The following NPR1 variants were observed in gnomAD, a reference collection of about 807,000 sequenced individuals.
The protein encoded by NPR1 is atrial natriuretic peptide receptor 1.
In NPR1, 57 loss-of-function variants were observed where a neutral mutation model predicts 116.9. The ratio of observed to expected loss-of-function variants is 0.49; its 90% CI spans 0.39 to 0.61. The LOEUF (loss-of-function observed/expected upper bound fraction) is 0.61, where lower values mean the gene tolerates loss of function less well. Among genes scored for constraint, NPR1 ranks in the 20% least tolerant of loss-of-function variants. The pLI, the probability that NPR1 is intolerant of heterozygous loss-of-function variation, is 0.00. For synonymous variants in NPR1, 555 were observed against 601.6 expected, an observed-to-expected ratio of 0.92 and a Z score of 1.13; for missense variants, 1,096 against 1,409.8, an observed-to-expected ratio of 0.78 and a Z score of 3.56.
At chr1:153,685,115 A>G (rs1314938141) in intron 8 of NPR1, 31 bp downstream of exon 8, 9 of 1,611,292 alleles carry the variant, frequency 5.6e-6, no homozygotes, top group Non-Finnish European at 7.6e-6. Context: ...GTTGGGGGGC[A>G]ATAAAGGAGA....
chr1:153,685,888 T>G lies in NPR1; in HGVS notation c.1680+8T>G, dbSNP rs778585041. 3.0e-5 allele frequency: 48 copies of G among 1,611,674 alleles called. 1 individual carries two copies. In the South Asian group the frequency reaches 5.2e-4, roughly 17 times the overall value. ...AAGACAGCATATTATAAGGTGGGCC[T>G]GGGGAAAGATCACTGGGCCTTGGGA... On this transcript the variant is annotated splice_region_variant and intron_variant, in intron 9 of 21. Coordinates refer to ENST00000368680, the MANE Select transcript of NPR1 (RefSeq NM_000906.4).
chr1:153,691,379 T>C (rs759109865), intron 20 of NPR1, among the ~76,000 whole-genome samples: 4 of 152,322 alleles, frequency 2.6e-5, no homozygotes, highest in Admixed American at 6.5e-5. Context: ...ATTGAGTGAC[T>C]ACTGAGTGCC....
At chr1:153,680,379 C>A in intron 1 of NPR1, 122 bp from the exon 2 acceptor site, 1 of 613,172 alleles carries the variant, frequency 1.6e-6, no homozygotes, top group Non-Finnish European at 2.7e-6. Flanking sequence ...TACCACTTAA[C>A]TCTCACTGGG....
At chr1:153,686,957 C>G in intron 11 of NPR1, 59 bp from the exon 12 acceptor site, 1 of 1,568,694 alleles carries the variant, frequency 6.4e-7, no homozygotes. Flanking sequence ...ACCCTGCACC[C>G]TCCTCCAACT....
rs762702544 is a variant in NPR1, at chr1:153,686,670, C to A, written c.1783C>A (p.Leu595Met). The A allele has an allele frequency of 6.2e-7, 1 of 1,613,922 alleles. No individual in the cohort carries two copies. The highest frequency in any genetic ancestry group is 8.5e-7 in the Non-Finnish European group (1 of 1,179,896). Residue 595 changes from leucine (L) to methionine (M), a missense_variant, in exon 11 of 22, where the codon CTG becomes ATG. Leu to Met is a conservative substitution (Grantham distance 15, BLOSUM62 2). Transcript: ENST00000368680. Reference sequence around the variant, plus strand: ...GATGCGGGATGTGCAGAATGAACACCTGACCAGGTTTGTGGGAGCCTGCAC... The same window carrying A: ...GATGCGGGATGTGCAGAATGAACACATGACCAGGTTTGTGGGAGCCTGCAC... ...KHMRDVQNEHLTRFVGACTDP... is the reference protein window; with the variant it reads ...KHMRDVQNEHMTRFVGACTDP...
chr1:153,687,658 T>C lies in NPR1; in HGVS notation c.2117T>C (p.Leu706Pro). 6.3e-7 allele frequency: 1 copy of C among 1,595,964 alleles called. No individual in the cohort carries two copies. The highest frequency in any genetic ancestry group is 8.6e-7 in the Non-Finnish European group (1 of 1,167,232). Reference sequence around the variant, plus strand: ...GAAAAGCTGTGGACGGCCCCTGAGCTCCTGCGAATGGCTTCACCCCCTGTG... The same window carrying C: ...GAAAAGCTGTGGACGGCCCCTGAGCCCCTGCGAATGGCTTCACCCCCTGTG... The part of the protein sequence containing the change: ...YAKKLWTAPE[L>P]LRMASPPVRG... Residue 706 changes from leucine to proline, a missense_variant, in exon 14 of 22, where the codon CTC becomes CCC. Transcript: ENST00000368680.
At chr1:153,690,413 A>C (rs1172874310) in intron 20 of NPR1, 31 bp downstream of exon 20, 6 of 1,507,076 alleles carry the variant, frequency 4.0e-6, no homozygotes, top group Non-Finnish European at 4.5e-6. Flanking sequence ...GGGAATGGGG[A>C]GGGCAGGGTG....
rs1175346732 is a variant in NPR1 at position 153,687,207 on chromosome 1, T to G, written c.1943T>G (p.Leu648Arg). ...GCCCACTCACATTTCCAGGGCATGCTGTTTCTACACAATGGGGCTATCTGT... is the reference window on the plus strand; with the variant it reads ...GCCCACTCACATTTCCAGGGCATGCGGTTTCTACACAATGGGGCTATCTGT... ...SLTNDIVKGMLFLHNGAICSH... is the reference protein window; with the variant it reads ...SLTNDIVKGMRFLHNGAICSH... Residue 648 changes from leucine (L) to arginine (R), a missense_variant, in exon 13 of 22, where the codon CTG becomes CGG. By Grantham distance (102) the Leu-to-Arg change is moderately radical. Coordinates refer to ENST00000368680, the MANE Select transcript of NPR1 (RefSeq NM_000906.4). 5.6e-6 allele frequency: 9 copies of G among 1,614,044 alleles called. No homozygotes were observed. In the Admixed American group the frequency reaches 8.3e-5, roughly 15 times the overall value.
At chr1:153,685,991 TG>T in intron 9 of NPR1, 111 bp downstream of exon 9, 1 of 1,336,942 alleles carries the variant, frequency 7.5e-7, no homozygotes, top group Non-Finnish European at 1.1e-6. Flanking sequence ...GAGCAGCAGA[TG>T]GGGGCCCTGG....
chr1:153,693,272 C>A (rs776961636), intron 21 of NPR1, 75 bp downstream of exon 21: 2 of 1,596,652 alleles, frequency 1.3e-6, no homozygotes, highest in East Asian at 2.2e-5. Flanking sequence ...CAGCCAATGC[C>A]ACTCCCATCC....
rs779041694 is a variant in NPR1 at position 153,686,632 on chromosome 1, G to A, written c.1759-14G>A. Reference sequence around the variant, plus strand: ...AGGTCTCTGTCAAGCTCCTGATGCTGGTCCCACTTGCAGATGCGGGATGTG... The same window carrying A: ...AGGTCTCTGTCAAGCTCCTGATGCTAGTCCCACTTGCAGATGCGGGATGTG... On this transcript the variant is annotated splice_polypyrimidine_tract_variant and intron_variant, in intron 10 of 21. Coordinates refer to ENST00000368680, the MANE Select transcript of NPR1 (RefSeq NM_000906.4). 1.2e-6 allele frequency: 2 copies of A among 1,609,428 alleles called. No homozygotes were observed. The highest frequency in any genetic ancestry group is 1.3e-5 in the African/African-American group (1 of 74,764).
In NPR1 at chr1:153,686,732, T is replaced by C. The variant is rs1411311893; in HGVS notation, c.1845T>C (p.Cys615=). 1 of 1,613,610 alleles carries C rather than the reference T, an allele frequency of 6.2e-7. No homozygotes were observed. The highest frequency in any genetic ancestry group is 8.5e-7 in the Non-Finnish European group (1 of 1,179,826). Reference sequence around the variant, plus strand: ...ATATCTGCATCCTCACAGAGTACTGTCCCCGTGGGAGCCTGCAGGTGAGGG... The same window carrying C: ...ATATCTGCATCCTCACAGAGTACTGCCCCCGTGGGAGCCTGCAGGTGAGGG... ...PPNICILTEY[C]PRGSLQDILE... Residue 615 remains cysteine (C), a synonymous_variant, in exon 11 of 22, where the codon TGT becomes TGC. Transcript: ENST00000368680.
At position 153,687,534 on chromosome 1, in the gene NPR1, CTG is replaced by C; in HGVS notation, c.2093-97_2093-96del. The C allele has an allele frequency of 2.7e-6, 4 of 1,487,244 alleles. No individual in the cohort carries two copies. The South Asian group carries it at 5.3e-5, about 20-fold the overall frequency. 92.1% of individuals were successfully genotyped at this position (1,487,244 alleles called of 1,614,324 possible). ...TAAGGCCTCCTCTAGCTCTAACACT[CTG>C]TGATGCATCCAGATCAGTTTCGGCC... On this transcript the variant is annotated intron_variant, in intron 13 of 21. Coordinates refer to ENST00000368680, the MANE Select transcript of NPR1 (RefSeq NM_000906.4).
rs1330993036 is a variant in NPR1, at chr1:153,690,256, G to T, written c.2933-28G>T. ...CCCTCCCTCCCTCACTCGCTGATGG[G>T]CTCTGCTCCTTCCCTTGCTCCTCCC... On this transcript the variant is annotated intron_variant, in intron 19 of 21. Transcript: ENST00000368680. 4 of 1,531,418 alleles carry T rather than the reference G, an allele frequency of 2.6e-6. No individual in the cohort carries two copies. In the East Asian group the frequency reaches 7.3e-5, roughly 28 times the overall value. The allele number at this position is 1,531,418 out of a possible 1,614,324, so 94.9% of individuals were successfully genotyped here.
intron 20 of NPR1, among the ~76,000 whole-genome samples, chr1:153,691,741 T>C (rs1670113614): frequency 6.6e-6 from 1 of 151,752 alleles, no homozygotes; most frequent in Admixed American, 6.6e-5. Context: ...CTACTAAAAA[T>C]ACAAAAAATT....
chr1:153,690,374 A>G lies in NPR1; in HGVS notation c.3023A>G (p.Asn1008Ser), dbSNP rs1277974883. The G allele has an allele frequency of 6.4e-7, 1 of 1,556,386 alleles. No individual in the cohort carries two copies. The highest frequency in any genetic ancestry group is 8.7e-7 in the Non-Finnish European group (1 of 1,148,742). Residue 1008 changes from asparagine (N) to serine (S), a missense_variant, in exon 20 of 22, where the codon AAT (asparagine) becomes AGT (serine). Transcript: ENST00000368680. ...TVNTASRMES[N>S]GEALKIHLSS... The stretch of plus-strand genomic sequence containing the variant: ...AACACAGCCTCAAGAATGGAGTCTA[A>G]TGGGGAAGGTACAGTGCCCCCTCCT...
At chr1:153,690,905 G>A (rs1194483087) in intron 20 of NPR1, among the ~76,000 whole-genome samples, 2 of 126,392 alleles carry the variant, frequency 1.6e-5, no homozygotes, top group Non-Finnish European at 3.1e-5. Flanking sequence ...ATTACACCAC[G>A]CACCCCAGCT....
rs1282159532 is a variant in NPR1, at chr1:153,689,935, C to G, written c.2887C>G (p.His963Asp). The change falls in exon 19 of 22, where the codon CAC becomes GAC. Residue 963 changes from histidine to aspartate, a missense_variant. By Grantham distance (81) the His-to-Asp change is moderately conservative (BLOSUM62 -1). Coordinates refer to ENST00000368680, the MANE Select transcript of NPR1 (RefSeq NM_000906.4). The surrounding 1 kb of genome is among the most constrained non-coding windows in gnomAD (Gnocchi z 5.1). ...LDAVRSFRIRHRPQEQLRLRI... is the reference protein window; with the variant it reads ...LDAVRSFRIRDRPQEQLRLRI... ...TGCTGTGCGCTCCTTCCGAATCCGC[C>G]ACCGGCCCCAGGAGCAGCTGCGCTT... 1 of 1,550,074 alleles carries G rather than the reference C, an allele frequency of 6.5e-7. No individual in the cohort carries two copies. Among genetic ancestry groups the G allele is most frequent in the Non-Finnish European group, 8.7e-7 (1 of 1,145,118 alleles).
At position 153,689,172 on chromosome 1, in the gene NPR1, T is replaced by C; in HGVS notation, c.2565-16T>C. ...CGACCCCCAACTCTGATCCTGCACC[T>C]GCCCTGACCCCTTAGCTCAGTGGCT... On this transcript the variant is annotated splice_polypyrimidine_tract_variant and intron_variant, in intron 16 of 21. Coordinates refer to ENST00000368680, the MANE Select transcript of NPR1 (RefSeq NM_000906.4). This position sits in a 1 kb window ranked among gnomAD's most constrained non-coding sequence, Gnocchi z 5.1. The C allele has an allele frequency of 6.2e-7, 1 of 1,614,146 alleles. No individual in the cohort carries two copies. Among genetic ancestry groups the C allele is most frequent in the Non-Finnish European group, 8.5e-7 (1 of 1,180,000 alleles).
Sources: gnomAD v4.1 joint callset for allele counts (sites outside exome capture counted in the v4.1 genomes callset) on GRCh38, gnomAD v4.1.1 for gene constraint, Gnocchi (gnomAD v3.1) non-coding constraint, MANE v1.5 for transcripts, NCBI Gene and HGNC (gene_info 2026-07-23, HGNC 2026-07-21) for gene names.